The following TTC6 variants were observed in gnomAD, a reference collection of about 807,000 sequenced individuals.
The protein encoded by TTC6 is tetratricopeptide repeat protein 6.
TTC6 carries 172 observed loss-of-function variants against 210.4 expected under a neutral mutation model. The observed-to-expected ratio is 0.82, with a 90% CI of 0.72 to 0.93. TTC6 has a LOEUF of 0.93. TTC6 is among the 40% of genes least tolerant of loss of function. The probability of loss-of-function intolerance (pLI) is 0.00; values close to 1 mark genes in which losing one functional copy is unlikely to be tolerated. For missense variants in TTC6, 2,414 were observed against 2,318.1 expected (o/e 1.04, Z -0.85); for synonymous variants, 804 against 819.6 (o/e 0.98, Z 0.32).
intron 14 of TTC6, among the ~76,000 whole-genome samples, chr14:37,781,452 T>C (rs190590368): frequency 1.3e-5 from 2 of 152,288 alleles, no homozygotes; most frequent in East Asian, 1.9e-4. Flanking sequence ...TCATATCCTT[T>C]GCCCATTTTT....
At chr14:37,775,134 G>A (rs1400713682) in intron 14 of TTC6, among the ~76,000 whole-genome samples, 5 of 151,910 alleles carry the variant, frequency 3.3e-5, no homozygotes, top group Non-Finnish European at 7.4e-5. Context: ...TAATTTATTA[G>A]CCTAGTTAGT....
Position 37,804,777 on chromosome 14 carries a change from T to C in TTC6, c.4127T>C (p.Leu1376Ser). 4 of 1,614,116 alleles carry C rather than the reference T, an allele frequency of 2.5e-6. No homozygotes were observed. The South Asian group carries it at 4.4e-5, about 18-fold the overall frequency. Residue 1376 changes from leucine (L) to serine (S), a missense_variant, in exon 21 of 31, where the codon TTG (leucine) becomes TCG (serine). Physicochemically the swap from Leu to Ser is moderately radical, Grantham distance 145. Transcript: ENST00000553443. ...ATTTCAGCAGACTGTCTGTATAACT[T>C]GGGTCTTTGTTACATGGAGGAAGGC... is the stretch of plus-strand genomic sequence containing the variant.
chr14:37,832,326 T>C (rs2096187311), intron 29 of TTC6, among the ~76,000 whole-genome samples: 1 of 94,742 alleles, frequency 1.1e-5, no homozygotes, highest in South Asian at 4.0e-4. Flanking sequence ...TTTTTCTTTC[T>C]CTCTTTTTTT....
intron 1 of TTC6, among the ~76,000 whole-genome samples, chr14:37,625,090 C>T (rs1189252065): frequency 6.6e-6 from 1 of 152,052 alleles, no homozygotes; most frequent in Non-Finnish European, 1.5e-5. Context: ...GGATTTCGTT[C>T]TTGGCTTTTA....
chr14:37,638,520 GC>G (rs1205108715), intron 1 of TTC6, among the ~76,000 whole-genome samples: 1 of 151,874 alleles, frequency 6.6e-6, no homozygotes. Context: ...CTCCCAAAGT[GC>G]TGGGATTACA....
chr14:37,630,119 T>G (rs140275969), intron 1 of TTC6, among the ~76,000 whole-genome samples: 3 of 152,322 alleles, frequency 2.0e-5, no homozygotes, highest in African/African-American at 7.2e-5. Context: ...TGTCTTCTGC[T>G]AGCTTTTAAA....
chr14:37,826,071 A>G, intron 27 of TTC6, 124 bp from the exon 30 acceptor site: 2 of 1,007,968 alleles, frequency 2.0e-6, no homozygotes, highest in Non-Finnish European at 2.8e-6. Context: ...GGTTTGAAAG[A>G]ACTTAGATTT....
chr14:37,631,149 C>T (rs1259210380), intron 1 of TTC6, among the ~76,000 whole-genome samples: 1 of 151,724 alleles, frequency 6.6e-6, no homozygotes, highest in Non-Finnish European at 1.5e-5. Flanking sequence ...TTGATCCTGT[C>T]ATTGTGATGC....
exon 2 of TTC6, chr14:37,680,241 G>T: frequency 1.3e-6 from 2 of 1,530,650 alleles, no homozygotes; most frequent in Non-Finnish European, 1.7e-6. Context: ...ATTCCAGATG[G>T]GTGCTGAGGA....
At chr14:37,738,879 C>T in exon 10 of TTC6, 1 of 1,535,014 alleles carries the variant, frequency 6.5e-7, no homozygotes, top group Non-Finnish European at 8.7e-7. Context: ...TTTCAGAAAG[C>T]AAAGGAATTG....
At chr14:37,648,507 C>CT (rs920831666) in intron 1 of TTC6, among the ~76,000 whole-genome samples, 4 of 151,342 alleles carry the variant, frequency 2.6e-5, no homozygotes, top group Admixed American at 2.0e-4. Context: ...ATTGTGTATT[C>CT]TTTTTTTTTC....
intron 7 of TTC6, among the ~76,000 whole-genome samples, chr14:37,732,369 C>T (rs1262111621): frequency 6.7e-6 from 1 of 150,330 alleles, no homozygotes; most frequent in South Asian, 2.1e-4. Context: ...TTTTTTAGTA[C>T]AGATGGGGTT....
intron 29 of TTC6, among the ~76,000 whole-genome samples, 180 bp downstream of exon 31, chr14:37,827,546 C>T (rs1350842264): frequency 6.6e-6 from 1 of 151,996 alleles, no homozygotes; most frequent in Admixed American, 6.6e-5. Flanking sequence ...ATTTATGCCT[C>T]TATGGATTTA....
At chr14:37,692,505 G>A (rs2095805766) in intron 3 of TTC6, among the ~76,000 whole-genome samples, 1 of 151,968 alleles carries the variant, frequency 6.6e-6, no homozygotes, top group South Asian at 2.1e-4. Flanking sequence ...ATCCCGTCAT[G>A]AACAACAAAA....
chr14:37,711,794 G>A (rs915004437), intron 5 of TTC6, among the ~76,000 whole-genome samples: 1 of 151,992 alleles, frequency 6.6e-6, no homozygotes, highest in African/African-American at 2.4e-5. Flanking sequence ...TGGAGGTAAG[G>A]GACCAGCAAA....
intron 3 of TTC6, among the ~76,000 whole-genome samples, chr14:37,686,551 T>C (rs534720830): frequency 6.6e-6 from 1 of 152,318 alleles, no homozygotes; most frequent in Admixed American, 6.5e-5. Flanking sequence ...TTCATGCTGC[T>C]GATAAAGACA....
intron 1 of TTC6, among the ~76,000 whole-genome samples, chr14:37,650,201 G>A (rs2095708745): frequency 6.6e-6 from 1 of 152,174 alleles, no homozygotes; most frequent in Non-Finnish European, 1.5e-5. Flanking sequence ...TCTTGAGGAC[G>A]AAGGGCACCA....
At chr14:37,701,403 T>C (rs1297743287) in exon 5 of TTC6, 1 of 1,532,560 alleles carries the variant, frequency 6.5e-7, no homozygotes. Context: ...GAGCTGCCTG[T>C]TGACTTGCGC....
intron 6 of TTC6, among the ~76,000 whole-genome samples, chr14:37,716,850 G>A (rs1456684908): frequency 1.3e-5 from 2 of 151,958 alleles, no homozygotes; most frequent in Non-Finnish European, 2.9e-5. Context: ...AACAAAAGCA[G>A]AATGCATATT....
Sources: allele counts gnomAD v4.1 joint callset (sites outside exome capture counted in the v4.1 genomes callset), GRCh38; gene constraint gnomAD v4.1.1; transcripts MANE v1.5; gene names NCBI Gene and HGNC (gene_info 2026-07-23, HGNC 2026-07-21).